Variants in FRMPD1 observed in about 807,000 individuals in gnomAD.
FRMPD1 encodes the protein FERM and PDZ domain containing 1.
In FRMPD1, 76 loss-of-function variants were observed where a neutral mutation model predicts 117.8. That is an observed-to-expected ratio of 0.65 (90% CI 0.54 to 0.78). The LOEUF (loss-of-function observed/expected upper bound fraction) is 0.78. FRMPD1 is among the 30% of genes least tolerant of loss of function. FRMPD1 has a pLI of 0.00. For synonymous variants in FRMPD1, 783 were observed against 770.4 expected (o/e 1.02, Z -0.27); for missense variants, 1,786 against 1,964.5 (o/e 0.91, Z 1.72).
Position 37,729,699 on chromosome 9 carries a change from T to A in FRMPD1, c.613-29T>A, listed in dbSNP as rs1823777235. The A allele has an allele frequency of 2.5e-6, 4 of 1,610,730 alleles. No individual in the cohort carries two copies. In the African/African-American group the frequency reaches 5.3e-5, roughly 22 times the overall value. ...AGGGAAGTCCTTCCTGTTTCTTGCG[T>A]AACTCCTGCACCTCTCTGTGCCTGC... On this transcript the variant is annotated intron_variant, in intron 7 of 15. Transcript: ENST00000377765.
chr9:37,672,056 A>G (rs1179370533), intron 1 of FRMPD1, among the ~76,000 whole-genome samples: 2 of 152,098 alleles, frequency 1.3e-5, no homozygotes, highest in East Asian at 1.9e-4. Flanking sequence ...AACTGGGGGG[A>G]AATGGACTGC....
At chr9:37,691,439 A>G (rs1473816917) in intron 1 of FRMPD1, among the ~76,000 whole-genome samples, 2 of 152,274 alleles carry the variant, frequency 1.3e-5, no homozygotes, top group Non-Finnish European at 2.9e-5. Flanking sequence ...AACATAGTCT[A>G]TAGTTCAGTT....
the FRMPD1 span, among the ~76,000 whole-genome samples, chr9:37,626,731 T>A: frequency 6.6e-6 from 1 of 150,776 alleles, no homozygotes; most frequent in South Asian, 2.1e-4. Flanking sequence ...AGAGGTTGCA[T>A]TGAGCTGTGA....
chr9:37,675,735 G>A (rs1224400330), intron 1 of FRMPD1, among the ~76,000 whole-genome samples: 1 of 152,210 alleles, frequency 6.6e-6, no homozygotes, highest in Admixed American at 6.5e-5. Flanking sequence ...TCAGAATTAT[G>A]AACTTGGAGG....
At chr9:37,705,766 A>G (rs1368073966) in intron 2 of FRMPD1, among the ~76,000 whole-genome samples, 2 of 152,052 alleles carry the variant, frequency 1.3e-5, no homozygotes, top group East Asian at 1.9e-4. Flanking sequence ...ACTTGAGCTC[A>G]GAAGATTGAG....
intron 2 of FRMPD1, among the ~76,000 whole-genome samples, chr9:37,702,313 T>C (rs1822562274): frequency 6.6e-6 from 1 of 152,238 alleles, no homozygotes; most frequent in Non-Finnish European, 1.5e-5. Context: ...AGCAAAGATC[T>C]TCACTTGACA....
At chr9:37,621,739 T>C in the FRMPD1 span, among the ~76,000 whole-genome samples, 1 of 152,104 alleles carries the variant, frequency 6.6e-6, no homozygotes, top group Non-Finnish European at 1.5e-5. Flanking sequence ...TGGGCCCCTA[T>C]AGGGGAGAGC....
At chr9:37,708,255 A>C (rs910513842) in intron 3 of FRMPD1, 144 bp from the exon 4 acceptor site, 1 of 610,058 alleles carries the variant, frequency 1.6e-6, no homozygotes, top group Non-Finnish European at 2.9e-6. Context: ...TAAGATCCAC[A>C]TGAGCCCAAG....
At chr9:37,611,828 A>G in the FRMPD1 span, among the ~76,000 whole-genome samples, 2 of 152,102 alleles carry the variant, frequency 1.3e-5, no homozygotes, top group Non-Finnish European at 2.9e-5. Flanking sequence ...TTCAATGTCT[A>G]TCTTCTGTAT....
chr9:37,655,639 G>A (rs938802649), intron 1 of FRMPD1, among the ~76,000 whole-genome samples: 3 of 151,736 alleles, frequency 2.0e-5, no homozygotes, highest in Non-Finnish European at 4.4e-5. Context: ...GAGTACCTGG[G>A]ACTACAGGCA....
At chr9:37,719,215 C>T (rs375958396) in intron 6 of FRMPD1, 39 bp downstream of exon 6, 54 of 1,268,926 alleles carry the variant, frequency 4.3e-5, no homozygotes, top group East Asian at 2.5e-4. Flanking sequence ...ATGAAGCTGG[C>T]GAGCTGCCTT....
At chr9:37,681,837 A>T (rs1028104897) in intron 1 of FRMPD1, among the ~76,000 whole-genome samples, 5 of 152,220 alleles carry the variant, frequency 3.3e-5, no homozygotes, top group African/African-American at 1.2e-4. Context: ...ACCCTCAAGG[A>T]GTTTACAATC....
chr9:37,623,171 T>C, the FRMPD1 span, among the ~76,000 whole-genome samples: 1 of 152,336 alleles, frequency 6.6e-6, no homozygotes, highest in East Asian at 1.9e-4. Flanking sequence ...CTACATTCAT[T>C]GATGAATTCA....
the FRMPD1 span, among the ~76,000 whole-genome samples, chr9:37,618,107 T>G: frequency 1.3e-5 from 2 of 152,144 alleles, no homozygotes; most frequent in Non-Finnish European, 2.9e-5. Context: ...GGACTGCAAA[T>G]GAGGTGCCAC....
At chr9:37,603,259 G>A in the FRMPD1 span, among the ~76,000 whole-genome samples, 8 of 152,156 alleles carry the variant, frequency 5.3e-5, no homozygotes, top group Admixed American at 3.3e-4. Flanking sequence ...TGGATTGGCT[G>A]GTCTCTACAG....
chr9:37,735,015 A>G (rs1224333259), intron 12 of FRMPD1, among the ~76,000 whole-genome samples: 2 of 152,246 alleles, frequency 1.3e-5, no homozygotes, highest in Non-Finnish European at 2.9e-5. Flanking sequence ...TGCGGGTTAC[A>G]AATAGAGATA....
At chr9:37,651,942 A>G (rs1027892119) in intron 1 of FRMPD1, among the ~76,000 whole-genome samples, 4 of 152,244 alleles carry the variant, frequency 2.6e-5, no homozygotes, top group African/African-American at 9.6e-5. Context: ...CTTGCAAATG[A>G]ACGTTTAGAA....
intron 6 of FRMPD1, among the ~76,000 whole-genome samples, chr9:37,723,656 G>A (rs1300793713): frequency 1.3e-5 from 2 of 152,086 alleles, no homozygotes; most frequent in African/African-American, 2.4e-5. Flanking sequence ...CCAGGGGTTC[G>A]AGACCAGCTG....
chr9:37,607,153 A>G, the FRMPD1 span, among the ~76,000 whole-genome samples: 2 of 152,118 alleles, frequency 1.3e-5, no homozygotes, highest in Non-Finnish European at 2.9e-5. Context: ...CGTCTCTAAT[A>G]AAAATACAAA....
Sources: allele counts gnomAD v4.1 joint callset (sites outside exome capture counted in the v4.1 genomes callset), GRCh38; gene constraint gnomAD v4.1.1; transcripts MANE v1.5; gene names NCBI Gene and HGNC (gene_info 2026-07-23, HGNC 2026-07-21).